Variants in RAB27B observed in about 807,000 individuals in gnomAD.
RAB27B encodes the protein ras-related protein Rab-27B.
In RAB27B, 15 loss-of-function variants were observed where a neutral mutation model predicts 24.6. That is an observed-to-expected ratio of 0.61 (90% CI 0.41 to 0.94). The LOEUF is 0.94. Among genes scored for constraint, RAB27B ranks in the 40% least tolerant of loss-of-function variants. The pLI, the probability that RAB27B is intolerant of heterozygous loss-of-function variation, is 0.00. For synonymous variants in RAB27B, 105 were observed against 92.5 expected (o/e 1.14, Z -0.78); for missense variants, 261 against 266.8 (o/e 0.98, Z 0.15).
chr18:54,802,677 G>A (rs751960212), intron 2 of RAB27B, among the ~76,000 whole-genome samples: 2 of 152,194 alleles, frequency 1.3e-5, no homozygotes, highest in Non-Finnish European at 2.9e-5. Flanking sequence ...AGGCAAAAGA[G>A]AGTTTAAACA....
At chr18:54,774,380 T>A (rs1441864601) in intron 2 of RAB27B, among the ~76,000 whole-genome samples, 1 of 152,234 alleles carries the variant, frequency 6.6e-6, no homozygotes, top group African/African-American at 2.4e-5. Flanking sequence ...AAGAAGGTAC[T>A]ATTATTTTTC....
chr18:54,785,857 A>G (rs1333106280), intron 2 of RAB27B, among the ~76,000 whole-genome samples: 2 of 152,222 alleles, frequency 1.3e-5, no homozygotes, highest in East Asian at 3.8e-4. Flanking sequence ...TTTATCAGCC[A>G]TCTAAGACAA....
chr18:54,830,497 TAATTG>T (rs1450241843), intron 1 of RAB27B, among the ~76,000 whole-genome samples: 1 of 152,210 alleles, frequency 6.6e-6, no homozygotes, highest in African/African-American at 2.4e-5. Context: ...CTTAAGCAAG[TAATTG>T]TAATGTTGAG....
rs968427975 is a variant in RAB27B, at chr18:54,894,018, C to T, written c.*4605C>T. The T allele has an allele frequency of 9.2e-5, 14 of 151,850 alleles. No individual in the cohort carries two copies. Among genetic ancestry groups the T allele is most frequent in the South Asian group, 2.1e-4 (1 of 4,804 alleles). 9.4% of individuals were successfully genotyped at this position (151,850 alleles called of 1,614,324 possible). A position where few individuals can be genotyped will look rare whatever the true frequency, so the allele number is the denominator to read the frequency against. On this transcript the variant is annotated 3_prime_UTR_variant, in exon 6 of 6. Transcript: ENST00000262094. ...GTTGTTGGCATAAAAATGTGATACA[C>T]TTAGAGACATTTTGTTTATTGCATA... is the stretch of plus-strand genomic sequence containing the variant.
At chr18:54,878,514 T>C (rs1198204649) in intron 2 of RAB27B, among the ~76,000 whole-genome samples, 1 of 152,108 alleles carries the variant, frequency 6.6e-6, no homozygotes, top group Non-Finnish European at 1.5e-5. Flanking sequence ...GCCTGGGAAG[T>C]TGAATCACGG....
intron 2 of RAB27B, among the ~76,000 whole-genome samples, chr18:54,755,274 C>T (rs1907966252): frequency 6.6e-6 from 1 of 152,124 alleles, no homozygotes; most frequent in African/African-American, 2.4e-5. Flanking sequence ...CCTGTAGTCT[C>T]AGCTACTTGG....
rs900601135 is a variant in RAB27B at position 54,894,695 on chromosome 18, T to C, written c.*5282T>C. On this transcript the variant is annotated 3_prime_UTR_variant, in exon 6 of 6. Coordinates refer to ENST00000262094, the MANE Select transcript of RAB27B (RefSeq NM_004163.4). ...ATGTGTTTATATGTGCTTCACAGAGTTCGTGTCAGGCTCAAAGGAGATATG... is the reference window on the plus strand; with the variant it reads ...ATGTGTTTATATGTGCTTCACAGAGCTCGTGTCAGGCTCAAAGGAGATATG... The C allele has an allele frequency of 1.3e-5, 2 of 151,950 alleles. No individual in the cohort carries two copies. Among genetic ancestry groups the C allele is most frequent in the Admixed American group, 1.3e-4 (2 of 15,218 alleles). 9.4% of individuals were successfully genotyped at this position (151,950 alleles called of 1,614,324 possible).
In RAB27B at chr18:54,885,417, C is replaced by T. The variant is rs1259507627; in HGVS notation, c.343+981C>T. 2.0e-5 allele frequency among the ~76,000 whole-genome samples: 3 copies of T among 152,126 alleles called. No homozygotes were observed. The East Asian group carries it at 5.8e-4, about 29-fold the overall frequency. On this transcript the variant is annotated intron_variant, in intron 4 of 5. Coordinates refer to ENST00000262094, the MANE Select transcript of RAB27B (RefSeq NM_004163.4). ...GTCACTGTGATGATGTCTGGGCTTC[C>T]TCCGTAATTCCCTCTTACTTGGGCC... is the stretch of plus-strand genomic sequence containing the variant.
At chr18:54,747,986 G>C (rs1173149958) in intron 2 of RAB27B, among the ~76,000 whole-genome samples, 1 of 151,952 alleles carries the variant, frequency 6.6e-6, no homozygotes, top group Non-Finnish European at 1.5e-5. Flanking sequence ...TGTTGCTGTT[G>C]TCCCAACTAC....
intron 1 of RAB27B, among the ~76,000 whole-genome samples, chr18:54,858,882 A>G (rs1442173285): frequency 6.6e-6 from 1 of 152,184 alleles, no homozygotes; most frequent in East Asian, 1.9e-4. Context: ...CCGTCAATAA[A>G]CTGGAAGTGT....
chr18:54,871,239 C>T (rs369481846), intron 1 of RAB27B, among the ~76,000 whole-genome samples: 11 of 152,300 alleles, frequency 7.2e-5, no homozygotes, highest in East Asian at 1.9e-4. Context: ...CCCTCAGAAA[C>T]GTGCCTTCTG....
intron 2 of RAB27B, among the ~76,000 whole-genome samples, chr18:54,810,873 TA>T (rs1212138697): frequency 1.3e-5 from 2 of 148,326 alleles, no homozygotes; most frequent in Admixed American, 1.4e-4. Context: ...AATAAATAAA[TA>T]AATAAATAAG....
intron 2 of RAB27B, among the ~76,000 whole-genome samples, chr18:54,787,384 T>C (rs147663773): frequency 6.6e-5 from 10 of 152,296 alleles, no homozygotes; most frequent in Non-Finnish European, 1.3e-4. Context: ...CAAGTATAAC[T>C]ATAGTGTTGT....
intron 1 of RAB27B, among the ~76,000 whole-genome samples, chr18:54,852,774 G>A (rs1911637512): frequency 2.6e-5 from 4 of 152,180 alleles, no homozygotes; most frequent in African/African-American, 9.7e-5. Flanking sequence ...CAAGTTGTGT[G>A]TATATCATAT....
At chr18:54,854,361 C>T (rs1349450474) in intron 1 of RAB27B, among the ~76,000 whole-genome samples, 1 of 152,148 alleles carries the variant, frequency 6.6e-6, no homozygotes, top group Non-Finnish European at 1.5e-5. Context: ...TCTAGTTCTC[C>T]ACTTTCCCAT....
intron 2 of RAB27B, among the ~76,000 whole-genome samples, chr18:54,724,015 G>T: frequency 7.0e-6 from 1 of 143,818 alleles, no homozygotes; most frequent in Non-Finnish European, 1.6e-5. Flanking sequence ...GCCAAAATGT[G>T]TGCTCTTTAG....
At chr18:54,852,539 T>C (rs1474755610) in intron 1 of RAB27B, among the ~76,000 whole-genome samples, 2 of 152,186 alleles carry the variant, frequency 1.3e-5, no homozygotes, top group Non-Finnish European at 2.9e-5. Flanking sequence ...AGAGAACCAA[T>C]CAAGAGAAAC....
At chr18:54,724,210 A>G (rs989980492) in intron 2 of RAB27B, among the ~76,000 whole-genome samples, 1 of 151,732 alleles carries the variant, frequency 6.6e-6, no homozygotes, top group African/African-American at 2.4e-5. Flanking sequence ...TTTTAGAAGC[A>G]TCCAAAAATT....
At position 54,879,442 on chromosome 18, in the gene RAB27B, C is replaced by G. The variant is rs752994920; in HGVS notation, c.227C>G (p.Ala76Gly). 2.5e-6 allele frequency: 4 copies of G among 1,611,108 alleles called. No homozygotes were observed. The highest frequency in any genetic ancestry group is 3.4e-6 in the Non-Finnish European group (4 of 1,177,374). The change falls in exon 3 of 6, where the codon GCG becomes GGG. Residue 76 changes from alanine to glycine, a missense_variant. Transcript: ENST00000262094. ...GTGCATCTTCAGCTTTGGGACACTG[C>G]GGGACAAGAGCGGTAATAGTAAATT... Reference protein sequence around the residue: ...FKVHLQLWDTAGQERFRSLTT... With the variant: ...FKVHLQLWDTGGQERFRSLTT...
Sources: allele counts gnomAD v4.1 joint callset (sites outside exome capture counted in the v4.1 genomes callset), GRCh38; gene constraint gnomAD v4.1.1; transcripts MANE v1.5; gene names NCBI Gene and HGNC (gene_info 2026-07-23, HGNC 2026-07-21).